The following STX18 variants were observed in gnomAD, a reference collection of about 807,000 sequenced individuals.
STX18 encodes the protein syntaxin 18.
Under a neutral mutation model 50.1 loss-of-function variants are expected in STX18, and 40 were observed. The observed-to-expected ratio is 0.80, with a 90% CI of 0.62 to 1.04. STX18 has a LOEUF of 1.04. Ranked by LOEUF, STX18 falls within the 50% of genes least tolerant of loss-of-function variation. The pLI is 0.00. For missense variants in STX18, 410 were observed against 415.8 expected (o/e 0.99, Z 0.12); for synonymous variants, 158 against 151.8 (o/e 1.04, Z -0.30).
intron 1 of STX18, among the ~76,000 whole-genome samples, chr4:4,535,385 T>C (rs978917421): frequency 3.9e-5 from 6 of 152,224 alleles, no homozygotes; most frequent in African/African-American, 1.4e-4. Context: ...CACAATCTCA[T>C]GAAAACTCTG....
chr4:4,473,442 G>A (rs1469762952), intron 1 of STX18, among the ~76,000 whole-genome samples: 1 of 151,724 alleles, frequency 6.6e-6, no homozygotes, highest in African/African-American at 2.4e-5. Flanking sequence ...ACAGGCACCC[G>A]CCACCACACC....
In STX18 at chr4:4,542,010, A is replaced by T. The variant is rs1344071694; in HGVS notation, c.-46T>A. 1 of 1,507,476 alleles carries T rather than the reference A, an allele frequency of 6.6e-7. No individual in the cohort carries two copies. Among genetic ancestry groups the T allele is most frequent in the Non-Finnish European group, 8.9e-7 (1 of 1,126,856 alleles). 93.4% of individuals were successfully genotyped at this position (1,507,476 alleles called of 1,614,324 possible). On this transcript the variant is annotated 5_prime_UTR_variant, in exon 1 of 11. Coordinates refer to ENST00000306200, the MANE Select transcript of STX18 (RefSeq NM_016930.4). ...CCACACTAGGCCCGCCCACGTAAGC[A>T]GCCGGCGACCGCGGCGCGAACCCGG... is the stretch of plus-strand genomic sequence containing the variant.
Position 4,434,873 on chromosome 4 carries a change from AT to A in STX18, c.614-16del. ...CAAAATTTTTTCTGTTAAAAAAAAA[AT>A]TGAAAATAGAAGACCAAATATGTGT... On this transcript the variant is annotated splice_polypyrimidine_tract_variant and intron_variant, in intron 6 of 10. Coordinates refer to ENST00000306200, the MANE Select transcript of STX18 (RefSeq NM_016930.4). 2 of 1,584,200 alleles carry A rather than the reference AT, an allele frequency of 1.3e-6. No homozygotes were observed. The highest frequency in any genetic ancestry group is 1.2e-5 in the South Asian group (1 of 86,334).
At chr4:4,513,128 G>T (rs191979694) in intron 1 of STX18, among the ~76,000 whole-genome samples, 1 of 152,284 alleles carries the variant, frequency 6.6e-6, no homozygotes, top group East Asian at 1.9e-4. Context: ...AGAATGAGAG[G>T]AGACAGACAC....
chr4:4,429,666 G>A (rs1577314028), intron 7 of STX18, among the ~76,000 whole-genome samples: 1 of 152,206 alleles, frequency 6.6e-6, no homozygotes, highest in African/African-American at 2.4e-5. Flanking sequence ...CCCATAATGT[G>A]ACAGTAGACG....
chr4:4,474,288 A>G (rs918322575), intron 1 of STX18, among the ~76,000 whole-genome samples: 2 of 151,752 alleles, frequency 1.3e-5, no homozygotes, highest in African/African-American at 4.9e-5. Flanking sequence ...CAGACTGCAA[A>G]CTCTGAGAGG....
At chr4:4,423,016 C>T (rs1405029268) in intron 9 of STX18, among the ~76,000 whole-genome samples, 1 of 152,186 alleles carries the variant, frequency 6.6e-6, no homozygotes, top group Non-Finnish European at 1.5e-5. Flanking sequence ...ACGCAGACAC[C>T]ATCCCTGAGG....
At chr4:4,424,267 CT>C (rs1430692911) in intron 8 of STX18, among the ~76,000 whole-genome samples, 2 of 152,194 alleles carry the variant, frequency 1.3e-5, no homozygotes, top group Non-Finnish European at 2.9e-5. Context: ...CTGAAGTCAA[CT>C]GCTGTTCCAG....
chr4:4,535,332 A>T (rs1398682599), intron 1 of STX18, among the ~76,000 whole-genome samples: 3 of 152,146 alleles, frequency 2.0e-5, no homozygotes, highest in Non-Finnish European at 4.4e-5. Flanking sequence ...CAGTCCTCCT[A>T]AGTCTTGGGC....
At chr4:4,474,185 C>T (rs1728061185) in intron 1 of STX18, among the ~76,000 whole-genome samples, 1 of 152,184 alleles carries the variant, frequency 6.6e-6, no homozygotes, top group Non-Finnish European at 1.5e-5. Flanking sequence ...GCAGTCAGAT[C>T]CCATTCCCGC....
intron 3 of STX18, 92 bp downstream of exon 3, chr4:4,459,280 A>G: frequency 2.3e-6 from 2 of 863,694 alleles, no homozygotes; most frequent in Non-Finnish European, 3.8e-6. Flanking sequence ...CGAAATAAGA[A>G]GAGGGAATTT....
At chr4:4,433,534 T>TTAAA (rs71638559) in intron 7 of STX18, among the ~76,000 whole-genome samples, 1 of 111,058 alleles carries the variant, frequency 9.0e-6, no homozygotes, top group Admixed American at 9.5e-5. Flanking sequence ...AAAAATAAAT[T>TTAAA]AAAAAAAAAA....
intron 1 of STX18, among the ~76,000 whole-genome samples, chr4:4,504,428 T>C (rs1482541575): frequency 6.6e-6 from 1 of 152,194 alleles, no homozygotes; most frequent in African/African-American, 2.4e-5. Context: ...TGTGCCAGAC[T>C]TTATTAGGCA....
At chr4:4,537,402 G>A (rs756265550) in intron 1 of STX18, among the ~76,000 whole-genome samples, 14 of 152,044 alleles carry the variant, frequency 9.2e-5, no homozygotes, top group Non-Finnish European at 2.1e-4. Context: ...ATTCTGGTGG[G>A]GGCTACATAG....
At chr4:4,455,065 C>T (rs1726993433) in intron 5 of STX18, among the ~76,000 whole-genome samples, 1 of 152,202 alleles carries the variant, frequency 6.6e-6, no homozygotes, top group South Asian at 2.1e-4. Flanking sequence ...AAGCAACCTG[C>T]TCAAAGTCAC....
At chr4:4,446,748 CTAAGT>C in intron 5 of STX18, among the ~76,000 whole-genome samples, 1 of 131,724 alleles carries the variant, frequency 7.6e-6, no homozygotes, top group African/African-American at 3.2e-5. Context: ...CAGTTTCTTA[CTAAGT>C]CTAAGAAACA....
chr4:4,488,994 C>G (rs1002576713), intron 1 of STX18, among the ~76,000 whole-genome samples: 3 of 152,182 alleles, frequency 2.0e-5, no homozygotes, highest in Non-Finnish European at 2.9e-5. Context: ...TTAATCTCAA[C>G]TGCTTTGTTA....
intron 9 of STX18, 95 bp downstream of exon 9, chr4:4,423,423 T>C: frequency 8.4e-7 from 1 of 1,189,348 alleles, no homozygotes. Context: ...CTCCTGGCTG[T>C]GTAGAGCAGC....
chr4:4,462,125 G>T (rs1327522039), intron 2 of STX18, among the ~76,000 whole-genome samples: 1 of 152,078 alleles, frequency 6.6e-6, no homozygotes, highest in Non-Finnish European at 1.5e-5. Context: ...TGACACGTGG[G>T]TCTCCACTGT....
Sources: gnomAD v4.1 joint callset for allele counts (sites outside exome capture counted in the v4.1 genomes callset) on GRCh38, gnomAD v4.1.1 for gene constraint, MANE v1.5 for transcripts, NCBI Gene and HGNC (gene_info 2026-07-23, HGNC 2026-07-21) for gene names.